Variants in CFAP221 observed in about 807,000 individuals in gnomAD.
CFAP221 encodes the protein cilia and flagella associated protein 221.
Under a neutral mutation model 113.1 loss-of-function variants are expected in CFAP221, and 97 were observed. The ratio of observed to expected loss-of-function variants is 0.86; its 90% CI spans 0.73 to 1.02. The LOEUF (loss-of-function observed/expected upper bound fraction) is 1.02. Ranked by LOEUF, CFAP221 falls within the 50% of genes least tolerant of loss-of-function variation. The probability of loss-of-function intolerance (pLI) is 0.00; values close to 1 mark genes in which losing one functional copy is unlikely to be tolerated. For synonymous variants in CFAP221, 331 were observed against 354.4 expected (o/e 0.93, Z 0.74); for missense variants, 1,025 against 1,013.4 (o/e 1.01, Z -0.16).
intron 6 of CFAP221, among the ~76,000 whole-genome samples, chr2:119,570,056 T>A (rs996883936): frequency 6.6e-6 from 1 of 152,248 alleles, no homozygotes; most frequent in African/African-American, 2.4e-5. Flanking sequence ...TAATTTTTCC[T>A]TGATAGCCAG....
chr2:119,552,883 ATTATT>A (rs1245713284), intron 3 of CFAP221, among the ~76,000 whole-genome samples: 1 of 151,910 alleles, frequency 6.6e-6, no homozygotes, highest in Non-Finnish European at 1.5e-5. Flanking sequence ...GAAACAGCAT[ATTATT>A]TTGTTATCTC....
chr2:119,606,046 A>G (rs930615589), intron 11 of CFAP221, among the ~76,000 whole-genome samples: 3 of 152,030 alleles, frequency 2.0e-5, no homozygotes, highest in African/African-American at 2.4e-5. Context: ...GCATATTTCA[A>G]TGTTGCATAT....
At chr2:119,658,458 C>T (rs922957015), downstream of CFAP221, among the ~76,000 whole-genome samples, 2 of 152,166 alleles carry the variant, frequency 1.3e-5, no homozygotes, top group Admixed American at 1.3e-4. Flanking sequence ...TCAACCATTT[C>T]TCCAAGGAGC....
intron 22 of CFAP221, among the ~76,000 whole-genome samples, chr2:119,650,255 G>GA (rs1307721517): frequency 6.6e-6 from 1 of 152,172 alleles, no homozygotes; most frequent in African/African-American, 2.4e-5. Context: ...AGGCAAATAA[G>GA]ACCTGCCCAC....
At chr2:119,640,914 G>T (rs1248437802) in intron 21 of CFAP221, among the ~76,000 whole-genome samples, 1 of 152,194 alleles carries the variant, frequency 6.6e-6, no homozygotes, top group Non-Finnish European at 1.5e-5. Context: ...AGTAAGACAA[G>T]GGGATTGGAC....
chr2:119,596,162 G>A (rs1011668265), intron 7 of CFAP221, among the ~76,000 whole-genome samples: 1 of 152,182 alleles, frequency 6.6e-6, no homozygotes, highest in African/African-American at 2.4e-5. Context: ...GGGAATGCAG[G>A]TTGGAGTAGC....
chr2:119,557,070 A>G (rs759268864), intron 3 of CFAP221: 1 of 152,160 alleles, frequency 6.6e-6, no homozygotes, highest in Non-Finnish European at 1.5e-5. Flanking sequence ...CCATTCAGGA[A>G]TACTGGAAAA....
chr2:119,578,464 A>T (rs1682607474), intron 6 of CFAP221, among the ~76,000 whole-genome samples: 1 of 152,256 alleles, frequency 6.6e-6, no homozygotes, highest in South Asian at 2.1e-4. Flanking sequence ...TGATCTATGA[A>T]TGATTCTCAT....
At chr2:119,612,658 CAATT>C in intron 13 of CFAP221, among the ~76,000 whole-genome samples, 1 of 152,286 alleles carries the variant, frequency 6.6e-6, no homozygotes, top group South Asian at 2.1e-4. Context: ...CATGTCCTCA[CAATT>C]TAAAACACAA....
At chr2:119,583,935 A>G (rs894268595) in intron 6 of CFAP221, among the ~76,000 whole-genome samples, 2 of 152,202 alleles carry the variant, frequency 1.3e-5, no homozygotes, top group African/African-American at 4.8e-5. Flanking sequence ...CAGCCTCCAG[A>G]ACTGTGAGGA....
chr2:119,558,161 G>A (rs75332479), intron 3 of CFAP221, among the ~76,000 whole-genome samples: 1 of 152,132 alleles, frequency 6.6e-6, no homozygotes, highest in Non-Finnish European at 1.5e-5. Flanking sequence ...GGACTTCACA[G>A]CCCTCCCCCA....
At chr2:119,630,936 G>A in intron 19 of CFAP221, 35 bp downstream of exon 19, 1 of 1,604,694 alleles carries the variant, frequency 6.2e-7, no homozygotes, top group Non-Finnish European at 8.5e-7. Context: ...TGTTTTCTGT[G>A]TTCCTTTATT....
chr2:119,631,608 G>T (rs1416482712), intron 19 of CFAP221, among the ~76,000 whole-genome samples: 1 of 152,202 alleles, frequency 6.6e-6, no homozygotes, highest in East Asian at 1.9e-4. Flanking sequence ...CCAGGAGGAG[G>T]AGGTTGCAGT....
intron 22 of CFAP221, among the ~76,000 whole-genome samples, chr2:119,649,770 GT>G (rs1688014701): frequency 6.6e-6 from 1 of 152,148 alleles, no homozygotes. Flanking sequence ...ACACAGCCCT[GT>G]TGTTTATCTT....
At position 119,646,969 on chromosome 2, in the gene CFAP221, T is replaced by G. The variant is rs1687849451; in HGVS notation, c.2237T>G (p.Phe746Cys). Residue 746 changes from phenylalanine to cysteine, a missense_variant, in exon 22 of 24, where the codon TTC becomes TGC. Coordinates refer to ENST00000413369, the MANE Select transcript of CFAP221 (RefSeq NM_001271049.2). Reference sequence around the variant, plus strand: ...TGGTTTTTCCACAGCTGCGATTCCTTCAATTCATTTATGCTTCCGATAGAC... The same window carrying G: ...TGGTTTTTCCACAGCTGCGATTCCTGCAATTCATTTATGCTTCCGATAGAC... The part of the protein sequence containing the change: ...KMETTKSCDS[F>C]NSFMLPIDVP... 6.2e-7 allele frequency: 1 copy of G among 1,613,692 alleles called. No homozygotes were observed. Among genetic ancestry groups the G allele is most frequent in the African/African-American group, 1.3e-5 (1 of 74,906 alleles).
intron 16 of CFAP221, 90 bp from the exon 17 acceptor site, chr2:119,629,785 C>A: frequency 9.6e-7 from 1 of 1,039,472 alleles, no homozygotes; most frequent in Non-Finnish European, 1.4e-6. Context: ...TAGAACTGGT[C>A]ACTAATGTTT....
At position 119,638,382 on chromosome 2, in the gene CFAP221, AT is replaced by A. The variant is rs1484577833; in HGVS notation, c.2100del (p.Pro701LeufsTer17). The A allele has an allele frequency of 6.2e-7, 1 of 1,614,174 alleles. No individual in the cohort carries two copies. The highest frequency in any genetic ancestry group is 8.5e-7 in the Non-Finnish European group (1 of 1,180,022). ...CAAAGAGTCCCGCCACGGGTCCAGC[AT>A]TCCTGTCACCCAAAAGCAGTTTCTC... Reference protein sequence around the residue: ...FTKESRHGSSIPVTQKQFLHH... With the variant: ...FTKESRHGSSXPVTQKQFLHH... On this transcript the variant is annotated frameshift_variant, in exon 20 of 24. Transcript: ENST00000413369. LOFTEE classifies it high-confidence loss of function.
intron 6 of CFAP221, among the ~76,000 whole-genome samples, chr2:119,569,106 T>C (rs951635836): frequency 6.6e-6 from 1 of 152,004 alleles, no homozygotes; most frequent in Non-Finnish European, 1.5e-5. Context: ...GAAATTTTTT[T>C]TTCCCTCTGA....
intron 7 of CFAP221, among the ~76,000 whole-genome samples, chr2:119,593,138 T>C (rs1683709110): frequency 6.6e-6 from 1 of 152,252 alleles, no homozygotes; most frequent in African/African-American, 2.4e-5. Flanking sequence ...ATCTATTATC[T>C]GCTTTAAAAT....
Sources: gnomAD v4.1 joint callset for allele counts (sites outside exome capture counted in the v4.1 genomes callset) on GRCh38, gnomAD v4.1.1 for gene constraint, MANE v1.5 for transcripts, NCBI Gene and HGNC (gene_info 2026-07-23, HGNC 2026-07-21) for gene names.